TLE3: variants seen among roughly 807,000 people sequenced by gnomAD.
TLE3 encodes the protein TLE family member 3, transcriptional corepressor.
In TLE3, 14 loss-of-function variants were observed where a neutral mutation model predicts 93.0. The ratio of observed to expected loss-of-function variants is 0.15; its 90% CI spans 0.10 to 0.24. The LOEUF (loss-of-function observed/expected upper bound fraction) is 0.24. Ranked by LOEUF, TLE3 falls within the 10% of genes least tolerant of loss-of-function variation. The probability of loss-of-function intolerance (pLI) is 1.00; values close to 1 mark genes in which losing one functional copy is unlikely to be tolerated. For missense variants in TLE3, 693 were observed against 1,046.6 expected, an observed-to-expected ratio of 0.66 and a Z score of 4.66; for synonymous variants, 451 against 425.0, an observed-to-expected ratio of 1.06 and a Z score of -0.75.
rs138847963 is a variant in TLE3 at position 70,083,851 on chromosome 15, T to C, written c.235-7693A>G. On this transcript the variant is annotated intron_variant, in intron 4 of 19. Coordinates refer to ENST00000451782, the MANE Select transcript of TLE3 (RefSeq NM_001105192.3). ...GACTCTTTGGAAAACCCAAGTGGCA[T>C]GAGGGAAGAACAAGGTGAGGGGCAG... Among the ~76,000 whole-genome samples, 383 of 152,106 alleles carry C rather than the reference T, an allele frequency of 2.5e-3. 1 individual carries two copies. Among genetic ancestry groups the C allele is most frequent in the South Asian group, 5.0e-3 (24 of 4,818 alleles).
intron 1 of TLE3, 38 bp downstream of exon 1, chr15:70,096,737 T>A: frequency 6.2e-7 from 1 of 1,611,452 alleles, no homozygotes; most frequent in Non-Finnish European, 8.5e-7. Flanking sequence ...TACCCTGCCA[T>A]GATAGATGCT....
At chr15:70,054,010 C>T (rs567692618) in intron 16 of TLE3, 54 of 166,584 alleles carry the variant, frequency 3.2e-4, no homozygotes, top group South Asian at 1.7e-4. Context: ...GAAACTGAGC[C>T]GCAGGGGTTC....
chr15:70,095,753 G>A (rs2058525137), intron 2 of TLE3, 112 bp from the exon 3 acceptor site: 5 of 1,338,652 alleles, frequency 3.7e-6, no homozygotes, highest in Non-Finnish European at 5.0e-6. Context: ...CCCCCCCGGG[G>A]GCGCCCCCAT....
chr15:70,088,828 C>T (rs1242168271), intron 4 of TLE3, among the ~76,000 whole-genome samples: 1 of 152,220 alleles, frequency 6.6e-6, no homozygotes, highest in African/African-American at 2.4e-5. Flanking sequence ...CAGCATATTA[C>T]GGTAGGAAAG....
Position 70,096,151 on chromosome 15 carries a change from C to T in TLE3, c.125+10G>A, listed in dbSNP as rs768671762. 4.5e-6 allele frequency: 7 copies of T among 1,549,076 alleles called. No homozygotes were observed. The East Asian group carries it at 1.7e-4, about 38-fold the overall frequency. ...CCCGCCAGCCCCGGGGCGGCCCCCACCGGCCTTACCTGTGATACTGAGCTT... is the reference window on the plus strand; with the variant it reads ...CCCGCCAGCCCCGGGGCGGCCCCCATCGGCCTTACCTGTGATACTGAGCTT... On this transcript the variant is annotated intron_variant, in intron 2 of 19. Coordinates refer to ENST00000451782, the MANE Select transcript of TLE3 (RefSeq NM_001105192.3).
chr15:70,066,355 C>G, intron 6 of TLE3, 137 bp from the exon 7 acceptor site: 1 of 720,236 alleles, frequency 1.4e-6, no homozygotes, highest in East Asian at 3.1e-5. Context: ...GGAAGCACCC[C>G]CAAAACCTTT....
intron 8 of TLE3, among the ~76,000 whole-genome samples, chr15:70,063,652 C>T (rs1009763847): frequency 1.1e-4 from 16 of 152,166 alleles, no homozygotes; most frequent in Admixed American, 9.8e-4. Flanking sequence ...ACAAGGACAG[C>T]GATGAGGAAT....
chr15:70,058,547 G>T lies in TLE3; in HGVS notation c.918+116C>A. The T allele has an allele frequency of 7.0e-7, 1 of 1,422,388 alleles. No homozygotes were observed. Among genetic ancestry groups the T allele is most frequent in the Non-Finnish European group, 9.3e-7 (1 of 1,073,302 alleles). 88.1% of individuals were successfully genotyped at this position (1,422,388 alleles called of 1,614,324 possible). The stretch of plus-strand genomic sequence containing the variant: ...CCCAGCAGGCACAGAAGGTAAACCG[G>T]GGCCAATCACCCACCCAGCTTCTCC... On this transcript the variant is annotated intron_variant, in intron 11 of 19. Coordinates refer to ENST00000451782, the MANE Select transcript of TLE3 (RefSeq NM_001105192.3). The surrounding 1 kb of genome is among the most constrained non-coding windows in gnomAD (Gnocchi z 4.1).
At position 70,096,838 on chromosome 15, in the gene TLE3, G is replaced by C. The variant is rs1009384383; in HGVS notation, c.-40C>G. 6.2e-7 allele frequency: 1 copy of C among 1,604,614 alleles called. No homozygotes were observed. Among genetic ancestry groups the C allele is most frequent in the South Asian group, 1.1e-5 (1 of 90,052 alleles). ...GTGATTCCGAGAGCGTGGAAGCGCC[G>C]AGAGCCCGGGCCGGGGAGGTGCGGG... On this transcript the variant is annotated 5_prime_UTR_variant, in exon 1 of 20. Coordinates refer to ENST00000451782, the MANE Select transcript of TLE3 (RefSeq NM_001105192.3).
At chr15:70,095,337 G>T (rs901072325) in intron 3 of TLE3, 3 of 1,424,008 alleles carry the variant, frequency 2.1e-6, no homozygotes, top group Non-Finnish European at 1.8e-6. Context: ...AGATAGTACA[G>T]AAGTCTCCGG....
rs2056244219 is a variant in TLE3, at chr15:70,058,565, G to C, written c.918+98C>G. 6.8e-7 allele frequency: 1 copy of C among 1,463,422 alleles called. No homozygotes were observed. The highest frequency in any genetic ancestry group is 9.1e-7 in the Non-Finnish European group (1 of 1,103,832). The allele number at this position is 1,463,422 out of a possible 1,614,324, so 90.7% of individuals were successfully genotyped here. ...TAAACCGGGGCCAATCACCCACCCA[G>C]CTTCTCCCACTCCACCCCTCTGCCT... On this transcript the variant is annotated intron_variant, in intron 11 of 19. Coordinates refer to ENST00000451782, the MANE Select transcript of TLE3 (RefSeq NM_001105192.3). This position sits in a 1 kb window ranked among gnomAD's most constrained non-coding sequence, Gnocchi z 4.1.
intron 16 of TLE3, 80 bp downstream of exon 16, chr15:70,054,358 G>C (rs149052147): frequency 6.5e-7 from 1 of 1,548,946 alleles, no homozygotes; most frequent in African/African-American, 1.4e-5. Context: ...ACAGGGCCAA[G>C]GTCACAGCAA....
chr15:70,050,663 A>G (rs975648777), intron 19 of TLE3: 2 of 158,158 alleles, frequency 1.3e-5, no homozygotes, highest in Non-Finnish European at 2.8e-5. Context: ...GACCCTAACA[A>G]TGAGGTTTGA....
intron 4 of TLE3, among the ~76,000 whole-genome samples, chr15:70,083,819 G>C (rs2057911030): frequency 2.0e-5 from 3 of 151,994 alleles, no homozygotes; most frequent in African/African-American, 7.2e-5. Flanking sequence ...GACTTCTTAA[G>C]GGCAGGGACT....
chr15:70,085,559 C>T (rs1183733760), intron 4 of TLE3, among the ~76,000 whole-genome samples: 1 of 152,128 alleles, frequency 6.6e-6, no homozygotes, highest in Non-Finnish European at 1.5e-5. Flanking sequence ...AGGTAAAAAA[C>T]CAGGTAAAAG....
chr15:70,086,475 C>T (rs1260740025), intron 4 of TLE3, among the ~76,000 whole-genome samples: 1 of 152,162 alleles, frequency 6.6e-6, no homozygotes, highest in Non-Finnish European at 1.5e-5. Flanking sequence ...GTCTAAACCT[C>T]AAGTCTTCAT....
Position 70,096,193 on chromosome 15 carries a change from G to C in TLE3, c.93C>G (p.Asp31Glu). The C allele has an allele frequency of 2.6e-6, 4 of 1,560,990 alleles. No individual in the cohort carries two copies. Among genetic ancestry groups the C allele is most frequent in the Non-Finnish European group, 3.5e-6 (4 of 1,152,324 alleles). Residue 31 changes from aspartate to glutamate, a missense_variant, in exon 2 of 20, where the codon GAC (aspartate) becomes GAG (glutamate). Around this residue, in one of 4 missense-constraint regions of TLE3, gnomAD observed 104 missense variants for 173.8 expected, o/e 0.60. Transcript: ENST00000451782. Reference sequence around the variant, plus strand: ...ACTGAGCTTGCAGGAACTGGAATTCGTCTTTGATCCTGTCACAAGACTCAG... The same window carrying C: ...ACTGAGCTTGCAGGAACTGGAATTCCTCTTTGATCCTGTCACAAGACTCAG... ...TVAESCDRIK[D>E]EFQFLQAQYH...
At position 70,049,422 on chromosome 15, in the gene TLE3, G is replaced by C. The variant is rs1380725837; in HGVS notation, c.*675C>G. ...CAGCAGGCACCTTACGGCCAACCTG[G>C]TTGCCTTTTCCACACTCTAAGACTT... On this transcript the variant is annotated 3_prime_UTR_variant, in exon 20 of 20. Transcript: ENST00000451782. 1 of 150,954 alleles carries C rather than the reference G, an allele frequency of 6.6e-6. No homozygotes were observed. Among genetic ancestry groups the C allele is most frequent in the East Asian group, 2.0e-4 (1 of 5,088 alleles). The allele number at this position is 150,954 out of a possible 1,614,324, so 9.4% of individuals were successfully genotyped here.
intron 2 of TLE3, 154 bp downstream of exon 2, chr15:70,096,007 G>T: frequency 1.1e-6 from 1 of 938,358 alleles, no homozygotes; most frequent in Non-Finnish European, 1.5e-6. Context: ...GGGTTAAGGC[G>T]GCGCGCTCGG....
Sources: allele counts gnomAD v4.1 joint callset (sites outside exome capture counted in the v4.1 genomes callset), GRCh38; gene constraint gnomAD v4.1.1; regional missense constraint gnomAD v4.1.1; non-coding constraint Gnocchi (gnomAD v3.1); transcripts MANE v1.5; gene names NCBI Gene and HGNC (gene_info 2026-07-23, HGNC 2026-07-21).